The following CSMD1 variants were observed in gnomAD, a reference collection of about 807,000 sequenced individuals.
CSMD1 encodes CUB and Sushi multiple domains 1.
Under a neutral mutation model 417.5 loss-of-function variants are expected in CSMD1, and 213 were observed. That is an observed-to-expected ratio of 0.51 (90% CI 0.46 to 0.57). The LOEUF is 0.57. CSMD1 is among the 20% of genes least tolerant of loss of function. The probability of loss-of-function intolerance (pLI) is 0.00; values close to 1 mark genes in which losing one functional copy is unlikely to be tolerated. For synonymous variants in CSMD1, 2,862 were observed against 1,736.8 expected, an observed-to-expected ratio of 1.65 and a Z score of -16.11; for missense variants, 6,923 against 4,529.7, an observed-to-expected ratio of 1.53 and a Z score of -15.17.
At chr8:4,888,377 A>G (rs1803888760) in intron 1 of CSMD1, among the ~76,000 whole-genome samples, 1 of 151,978 alleles carries the variant, frequency 6.6e-6, no homozygotes, top group Non-Finnish European at 1.5e-5. Flanking sequence ...AAAAATGAGG[A>G]GATATATGTA....
chr8:3,075,274 TTCTTTC>T (rs748724247), intron 49 of CSMD1, among the ~76,000 whole-genome samples: 2,572 of 125,370 alleles, frequency 0.021, 84 homozygotes, highest in South Asian at 0.067. Flanking sequence ...TTTCTTTTCT[TTCTTTC>T]TTTTTTTTTT....
intron 10 of CSMD1, among the ~76,000 whole-genome samples, chr8:3,569,258 G>C (rs931715309): frequency 6.6e-6 from 1 of 152,068 alleles, no homozygotes; most frequent in African/African-American, 2.4e-5. Flanking sequence ...TGTTCCTTTT[G>C]ACATGATATA....
chr8:3,491,172 C>A (rs903812032), intron 11 of CSMD1, among the ~76,000 whole-genome samples: 1 of 152,180 alleles, frequency 6.6e-6, no homozygotes, highest in Non-Finnish European at 1.5e-5. Flanking sequence ...AAAAGACTGT[C>A]AAAGGGAACC....
At chr8:4,788,058 G>C in intron 1 of CSMD1, 2 of 1,595,252 alleles carry the variant, frequency 1.3e-6, no homozygotes, top group South Asian at 2.2e-5. Flanking sequence ...GAAAAACTTT[G>C]AGTGGGTTGC....
At chr8:2,968,781 T>C (rs1261245236) in intron 57 of CSMD1, among the ~76,000 whole-genome samples, 2 of 152,146 alleles carry the variant, frequency 1.3e-5, no homozygotes, top group Non-Finnish European at 2.9e-5. Context: ...AAAAGTAAAC[T>C]GGAAGAAGAA....
chr8:3,457,280 T>C (rs1378904971), intron 12 of CSMD1, among the ~76,000 whole-genome samples: 4 of 151,816 alleles, frequency 2.6e-5, no homozygotes, highest in Admixed American at 1.3e-4. Flanking sequence ...GTACCCCTCA[T>C]CTTCACCCCT....
intron 1 of CSMD1, among the ~76,000 whole-genome samples, chr8:4,653,543 C>A (rs1279278214): frequency 6.6e-6 from 1 of 152,038 alleles, no homozygotes; most frequent in East Asian, 1.9e-4. Context: ...TGCTCAATAT[C>A]ATTTCTACTT....
chr8:3,417,689 A>C (rs967251241), intron 12 of CSMD1, among the ~76,000 whole-genome samples: 1 of 152,222 alleles, frequency 6.6e-6, no homozygotes, highest in African/African-American at 2.4e-5. Flanking sequence ...TTTCTTGTGC[A>C]ACTGACCACA....
rs184423461 is a variant in CSMD1, at chr8:4,553,804, T to A, written c.302+83538A>T. Among the ~76,000 whole-genome samples, 5 of 152,312 alleles carry A rather than the reference T, an allele frequency of 3.3e-5. No homozygotes were observed. The East Asian group carries it at 9.7e-4, about 29-fold the overall frequency. ...CCTATGTCTGCCATGAAAAGACTTC[T>A]GGATCATCTATTTACAAGGGACATG... On this transcript the variant is annotated intron_variant, in intron 2 of 69. Transcript: ENST00000635120.
intron 7 of CSMD1, among the ~76,000 whole-genome samples, chr8:3,654,640 G>C (rs1388766299): frequency 6.6e-6 from 1 of 152,222 alleles, no homozygotes; most frequent in Non-Finnish European, 1.5e-5. Context: ...TGATTTGCTA[G>C]GTGTGAGAGC....
At chr8:3,554,123 T>G (rs189332268) in intron 10 of CSMD1, among the ~76,000 whole-genome samples, 7 of 152,360 alleles carry the variant, frequency 4.6e-5, no homozygotes, top group Non-Finnish European at 8.8e-5. Context: ...ATGTCTAAGC[T>G]CATGCCTTTT....
chr8:4,191,573 C>G (rs1453677919), intron 3 of CSMD1, among the ~76,000 whole-genome samples: 7 of 152,002 alleles, frequency 4.6e-5, no homozygotes, highest in African/African-American at 1.5e-4. Context: ...GTACTTCATC[C>G]ATGAATCACT....
intron 5 of CSMD1, among the ~76,000 whole-genome samples, chr8:3,838,417 C>T (rs1157760333): frequency 6.7e-6 from 1 of 148,850 alleles, no homozygotes; most frequent in Non-Finnish European, 1.5e-5. Flanking sequence ...TAGAGAGAGA[C>T]TATATATAGA....
At chr8:4,833,825 T>C (rs980096849) in intron 1 of CSMD1, among the ~76,000 whole-genome samples, 1 of 152,182 alleles carries the variant, frequency 6.6e-6, no homozygotes, top group Non-Finnish European at 1.5e-5. Flanking sequence ...AGACTTCCAA[T>C]CAATTGCAAG....
At chr8:4,098,914 T>A (rs1193993006) in intron 3 of CSMD1, among the ~76,000 whole-genome samples, 1 of 152,176 alleles carries the variant, frequency 6.6e-6, no homozygotes, top group Admixed American at 6.5e-5. Context: ...AGAACCAGTA[T>A]TAGAGACTGG....
intron 5 of CSMD1, among the ~76,000 whole-genome samples, chr8:3,873,141 A>C (rs1368422087): frequency 6.6e-6 from 1 of 152,152 alleles, no homozygotes; most frequent in Non-Finnish European, 1.5e-5. Flanking sequence ...GGAAACTAGT[A>C]TGATGATTCC....
chr8:3,248,162 G>A (rs1800005396), intron 26 of CSMD1, among the ~76,000 whole-genome samples: 1 of 152,066 alleles, frequency 6.6e-6, no homozygotes. Flanking sequence ...ATGTAGCGGT[G>A]TGACAAACAG....
At chr8:3,604,159 C>T (rs367744045) in intron 8 of CSMD1, among the ~76,000 whole-genome samples, 32 of 152,156 alleles carry the variant, frequency 2.1e-4, no homozygotes, top group African/African-American at 6.0e-4. Flanking sequence ...CTTCTCTCTA[C>T]GGGGCTCAGA....
intron 5 of CSMD1, among the ~76,000 whole-genome samples, chr8:3,858,106 A>T (rs1297229935): frequency 1.3e-5 from 2 of 152,342 alleles, no homozygotes; most frequent in East Asian, 1.9e-4. Context: ...TTTTAATAAC[A>T]TAGTCAAATC....
Sources: allele counts gnomAD v4.1 joint callset (sites outside exome capture counted in the v4.1 genomes callset), GRCh38; gene constraint gnomAD v4.1.1; transcripts MANE v1.5; gene names NCBI Gene and HGNC (gene_info 2026-07-23, HGNC 2026-07-21).